SLC25A13: variants seen among roughly 807,000 people sequenced by gnomAD.
The protein encoded by SLC25A13 is electrogenic aspartate/glutamate antiporter SLC25A13, mitochondrial.
Under a neutral mutation model 85.5 loss-of-function variants are expected in SLC25A13, and 70 were observed. That is an observed-to-expected ratio of 0.82 (90% CI 0.68 to 1.00). The LOEUF (loss-of-function observed/expected upper bound fraction) is 1.00. Ranked by LOEUF, SLC25A13 falls within the 50% of genes least tolerant of loss-of-function variation. SLC25A13 has a pLI of 0.00. For synonymous variants in SLC25A13, 259 were observed against 288.7 expected, an observed-to-expected ratio of 0.90 and a Z score of 1.04; for missense variants, 765 against 819.8, an observed-to-expected ratio of 0.93 and a Z score of 0.82.
chr7:96,131,557 A>T (rs1449660559), intron 15 of SLC25A13, among the ~76,000 whole-genome samples, 186 bp downstream of exon 15: 1 of 152,236 alleles, frequency 6.6e-6, no homozygotes, highest in Non-Finnish European at 1.5e-5. Context: ...CTTGTCTAAT[A>T]ATCTCATCTG....
At chr7:96,128,031 CA>C (rs1448706783) in intron 15 of SLC25A13, among the ~76,000 whole-genome samples, 1 of 152,182 alleles carries the variant, frequency 6.6e-6, no homozygotes, top group Non-Finnish European at 1.5e-5. Flanking sequence ...ACACTTCTGA[CA>C]AAAGTCTTGC....
At chr7:96,217,868 A>T (rs1028710043) in intron 4 of SLC25A13, among the ~76,000 whole-genome samples, 17 of 150,376 alleles carry the variant, frequency 1.1e-4, no homozygotes, top group African/African-American at 3.9e-4. Context: ...TATACTTTAA[A>T]TGGGTAAATT....
chr7:96,191,310 G>A (rs1157287929), intron 6 of SLC25A13, 63 bp from the exon 7 acceptor site: 1 of 1,537,654 alleles, frequency 6.5e-7, no homozygotes, highest in Non-Finnish European at 8.9e-7. Flanking sequence ...TGATTCAGAA[G>A]TACATACATC....
intron 3 of SLC25A13, among the ~76,000 whole-genome samples, chr7:96,250,669 G>T (rs964979240): frequency 2.6e-5 from 4 of 151,008 alleles, no homozygotes; most frequent in African/African-American, 9.8e-5. Flanking sequence ...TGTGGAAGCA[G>T]TCTACTTGGG....
chr7:96,240,877 A>T (rs1376806759), intron 3 of SLC25A13, among the ~76,000 whole-genome samples: 1 of 150,922 alleles, frequency 6.6e-6, no homozygotes, highest in Non-Finnish European at 1.5e-5. Flanking sequence ...CAGAACATTT[A>T]ATCTGACAGA....
At chr7:96,278,544 G>T (rs1562898434) in intron 2 of SLC25A13, among the ~76,000 whole-genome samples, 1 of 152,156 alleles carries the variant, frequency 6.6e-6, no homozygotes. Flanking sequence ...AGTAACTAAA[G>T]CTTTTGGTAC....
chr7:96,274,079 G>A (rs777628449), intron 3 of SLC25A13, among the ~76,000 whole-genome samples: 58 of 152,110 alleles, frequency 3.8e-4, no homozygotes, highest in Non-Finnish European at 7.8e-4. Flanking sequence ...TCTGCCGCTG[G>A]AACAGAGAGA....
intron 3 of SLC25A13, among the ~76,000 whole-genome samples, chr7:96,276,329 T>G (rs371692901): frequency 4.3e-4 from 65 of 152,292 alleles, no homozygotes; most frequent in African/African-American, 1.5e-3. Flanking sequence ...ATTTTTAAAA[T>G]GTAAGCAGAA....
chr7:96,184,200 C>T, intron 11 of SLC25A13, 77 bp downstream of exon 11: 1 of 1,536,310 alleles, frequency 6.5e-7, no homozygotes, highest in South Asian at 1.1e-5. Flanking sequence ...CTTGCTAATT[C>T]ATGTCAGGCA....
intron 3 of SLC25A13, among the ~76,000 whole-genome samples, chr7:96,269,112 G>GT (rs948653200): frequency 2.3e-4 from 35 of 151,662 alleles, no homozygotes; most frequent in African/African-American, 5.6e-4. Flanking sequence ...CAAGCACTGT[G>GT]TTTTTTTTTC....
intron 14 of SLC25A13, among the ~76,000 whole-genome samples, chr7:96,145,014 C>T (rs1417987478): frequency 6.6e-6 from 1 of 152,106 alleles, no homozygotes; most frequent in East Asian, 1.9e-4. Context: ...GATGATTTTT[C>T]TTCAAATTGA....
chr7:96,121,248 G>A lies in SLC25A13; in HGVS notation c.1971C>T (p.Tyr657=). 6.2e-7 allele frequency: 1 copy of A among 1,614,156 alleles called. No individual in the cohort carries two copies. Among genetic ancestry groups the A allele is most frequent in the South Asian group, 1.1e-5 (1 of 91,080 alleles). Reference sequence around the variant, plus strand: ...ATACTGATGGCTTGAAGAGAGGTAGGTAAAGTCCAAATTTGTTTTCAATCC... The same window carrying A: ...ATACTGATGGCTTGAAGAGAGGTAGATAAAGTCCAAATTTGTTTTCAATCC... ...FAGIENKFGL[Y]LPLFKPSVST... The change falls in exon 18 of 18, where the codon TAC becomes TAT. Residue 657 remains tyrosine, a synonymous_variant. Coordinates refer to ENST00000265631, the MANE Select transcript of SLC25A13 (RefSeq NM_014251.3).
chr7:96,240,588 C>T (rs1017234414), intron 3 of SLC25A13, among the ~76,000 whole-genome samples: 1 of 151,776 alleles, frequency 6.6e-6, no homozygotes, highest in Non-Finnish European at 1.5e-5. Flanking sequence ...ACAGAAAATA[C>T]AGTGCCGGGG....
intron 3 of SLC25A13, among the ~76,000 whole-genome samples, chr7:96,237,552 T>C (rs1209183121): frequency 6.6e-6 from 1 of 152,108 alleles, no homozygotes; most frequent in Non-Finnish European, 1.5e-5. Context: ...GATTAAGAAA[T>C]GTCACATTCA....
At chr7:96,245,874 AC>A (rs1797170619) in intron 3 of SLC25A13, among the ~76,000 whole-genome samples, 1 of 152,224 alleles carries the variant, frequency 6.6e-6, no homozygotes, top group Non-Finnish European at 1.5e-5. Flanking sequence ...AGATTTAAAA[AC>A]CTAGGTTTCC....
intron 3 of SLC25A13, among the ~76,000 whole-genome samples, chr7:96,251,533 G>A (rs1230429155): frequency 6.6e-6 from 1 of 152,158 alleles, no homozygotes; most frequent in Non-Finnish European, 1.5e-5. Flanking sequence ...ATAATGCTGA[G>A]CAGAATTTTT....
chr7:96,211,452 A>T (rs563354876), intron 4 of SLC25A13, among the ~76,000 whole-genome samples: 1 of 152,320 alleles, frequency 6.6e-6, no homozygotes, highest in Admixed American at 6.5e-5. Flanking sequence ...ACTATACTAG[A>T]TGTATATAAA....
chr7:96,203,725 A>G (rs1795350681), intron 5 of SLC25A13, among the ~76,000 whole-genome samples: 1 of 152,186 alleles, frequency 6.6e-6, no homozygotes, highest in African/African-American at 2.4e-5. Context: ...TAAAGTAATT[A>G]CATGTAAAAT....
intron 4 of SLC25A13, among the ~76,000 whole-genome samples, chr7:96,219,990 C>T (rs1415403359): frequency 3.9e-4 from 59 of 152,156 alleles, no homozygotes; most frequent in Non-Finnish European, 1.6e-4. Context: ...TAGAATAAAT[C>T]ATTATTAGCC....
Sources: allele counts gnomAD v4.1 joint callset (sites outside exome capture counted in the v4.1 genomes callset), GRCh38; gene constraint gnomAD v4.1.1; transcripts MANE v1.5; gene names NCBI Gene and HGNC (gene_info 2026-07-23, HGNC 2026-07-21).